ATP10D: variants seen among roughly 807,000 people sequenced by gnomAD.
ATP10D encodes the protein ATPase phospholipid transporting 10D (putative), also known as phospholipid-transporting ATPase VD.
Under a neutral mutation model 144.8 loss-of-function variants are expected in ATP10D, and 89 were observed. The ratio of observed to expected loss-of-function variants is 0.61; its 90% confidence interval spans 0.52 to 0.73. The LOEUF is 0.73. Ranked by LOEUF, ATP10D falls within the 30% of genes least tolerant of loss-of-function variation. The pLI, the probability that ATP10D is intolerant of heterozygous loss-of-function variation, is 0.00. For synonymous variants in ATP10D, 571 were observed against 615.1 expected (o/e 0.93, Z 1.06); for missense variants, 1,603 against 1,714.8 (o/e 0.93, Z 1.15).
intron 22 of ATP10D, among the ~76,000 whole-genome samples, chr4:47,589,035 C>T (rs1167750664): frequency 2.6e-5 from 4 of 151,994 alleles, no homozygotes; most frequent in Non-Finnish European, 5.9e-5. Context: ...TAAATGTAAC[C>T]ACAAGTGTCC....
chr4:47,526,448 G>A (rs1224631994), intron 5 of ATP10D, among the ~76,000 whole-genome samples: 1 of 152,156 alleles, frequency 6.6e-6, no homozygotes, highest in Admixed American at 6.5e-5. Context: ...AAAACCTAGA[G>A]CCAGCAGCAT....
chr4:47,570,075 A>T (rs1719870585), intron 16 of ATP10D, among the ~76,000 whole-genome samples: 1 of 152,218 alleles, frequency 6.6e-6, no homozygotes, highest in South Asian at 2.1e-4. Context: ...CCTTAAATTT[A>T]AAATGATCAT....
intron 3 of ATP10D, among the ~76,000 whole-genome samples, chr4:47,519,989 C>A (rs923013675): frequency 1.6e-4 from 25 of 152,126 alleles, no homozygotes; most frequent in Admixed American, 5.2e-4. Flanking sequence ...TTGTTTAAAT[C>A]TTGGTACATG....
intron 3 of ATP10D, among the ~76,000 whole-genome samples, chr4:47,520,725 T>A (rs1332670071): frequency 6.6e-6 from 1 of 152,006 alleles, no homozygotes; most frequent in African/African-American, 2.4e-5. Context: ...TGCACCATCA[T>A]ACCCGGCTAA....
At chr4:47,564,732 A>G (rs569612488) in intron 15 of ATP10D, among the ~76,000 whole-genome samples, 1 of 152,264 alleles carries the variant, frequency 6.6e-6, no homozygotes, top group Admixed American at 6.5e-5. Flanking sequence ...TAAGGGTTTT[A>G]TTTTTCTCAG....
At chr4:47,518,698 C>G (rs747883167) in intron 3 of ATP10D, among the ~76,000 whole-genome samples, 1 of 151,644 alleles carries the variant, frequency 6.6e-6, no homozygotes, top group Non-Finnish European at 1.5e-5. Flanking sequence ...ACTTCAGTAG[C>G]CATCTAAGAT....
In ATP10D at chr4:47,535,538, T is replaced by G. The variant is rs561198097; in HGVS notation, c.806T>G (p.Leu269Arg). The part of the protein sequence containing the change: ...LEHSNKERVG[L>R]SKENLLLRGC... ...CATTCCAACAAAGAACGCGTGGGTC[T>G]CAGTAAAGAAAATTTGTTGCTTAGA... The change falls in exon 6 of 23, where the codon CTC becomes CGC. Residue 269 changes from leucine (L) to arginine (R), a missense_variant. Leu to Arg is a moderately radical substitution (Grantham distance 102). Transcript: ENST00000273859. The G allele has an allele frequency of 6.2e-7, 1 of 1,613,000 alleles. No homozygotes were observed. The highest frequency in any genetic ancestry group is 2.2e-5 in the East Asian group (1 of 44,840).
chr4:47,564,112 G>C (rs1238715744), intron 15 of ATP10D, among the ~76,000 whole-genome samples: 3 of 152,144 alleles, frequency 2.0e-5, no homozygotes, highest in African/African-American at 7.2e-5. Flanking sequence ...GGCTGATCTT[G>C]AACTCTTGAC....
At chr4:47,563,536 G>T (rs761911819) in intron 14 of ATP10D, 45 bp from the exon 15 acceptor site, 3 of 1,532,396 alleles carry the variant, frequency 2.0e-6, no homozygotes, top group Non-Finnish European at 1.8e-6. Flanking sequence ...GCTTCAGCTG[G>T]CTTTGGTTTC....
chr4:47,492,889 A>G (rs748364332), intron 1 of ATP10D, among the ~76,000 whole-genome samples: 34 of 152,312 alleles, frequency 2.2e-4, no homozygotes, highest in Non-Finnish European at 4.3e-4. Context: ...TCAGAATTTT[A>G]GTCTCTAATG....
intron 19 of ATP10D, among the ~76,000 whole-genome samples, chr4:47,579,226 CT>C (rs1173178325): frequency 6.6e-6 from 1 of 151,886 alleles, no homozygotes; most frequent in African/African-American, 2.4e-5. Flanking sequence ...CTTTTTTTCT[CT>C]AAGATTTGTG....
intron 5 of ATP10D, among the ~76,000 whole-genome samples, chr4:47,530,619 G>A (rs1250809667): frequency 2.6e-5 from 4 of 151,778 alleles, no homozygotes; most frequent in Admixed American, 6.6e-5. Flanking sequence ...CCATGCCTGG[G>A]TAATTTTTGT....
At chr4:47,542,718 A>T (rs188090137) in intron 9 of ATP10D, among the ~76,000 whole-genome samples, 1 of 152,172 alleles carries the variant, frequency 6.6e-6, no homozygotes, top group Admixed American at 6.5e-5. Flanking sequence ...ACCTCAGGTG[A>T]TCCACCCACC....
chr4:47,504,510 G>A (rs1438800822), intron 1 of ATP10D, among the ~76,000 whole-genome samples: 1 of 152,084 alleles, frequency 6.6e-6, no homozygotes, highest in Admixed American at 6.5e-5. Context: ...GTTTTATCAG[G>A]GCTCACTGTG....
chr4:47,488,623 A>C (rs1356310871), intron 1 of ATP10D, among the ~76,000 whole-genome samples: 1 of 145,912 alleles, frequency 6.9e-6, no homozygotes, highest in Non-Finnish European at 1.5e-5. Flanking sequence ...AAAAAAAAAA[A>C]AAAAAAAAAA....
intron 5 of ATP10D, among the ~76,000 whole-genome samples, chr4:47,532,566 G>A (rs1717621553): frequency 6.6e-6 from 1 of 152,184 alleles, no homozygotes; most frequent in Admixed American, 6.5e-5. Context: ...ATCAGCCTAG[G>A]TAGATACAGT....
intron 11 of ATP10D, among the ~76,000 whole-genome samples, chr4:47,555,290 A>G (rs1234029379): frequency 6.6e-6 from 1 of 152,230 alleles, no homozygotes; most frequent in Non-Finnish European, 1.5e-5. Flanking sequence ...TGCCCTCCGT[A>G]TGAGAATCTA....
At chr4:47,547,165 A>C in intron 10 of ATP10D, 1 of 373,630 alleles carries the variant, frequency 2.7e-6, no homozygotes, top group South Asian at 3.1e-5. Flanking sequence ...TGGTTTAAGA[A>C]TCATGGCTCA....
At chr4:47,589,496 G>C (rs1475901100) in intron 22 of ATP10D, among the ~76,000 whole-genome samples, 2 of 152,122 alleles carry the variant, frequency 1.3e-5, no homozygotes, top group Non-Finnish European at 2.9e-5. Context: ...GCTCTTGGTA[G>C]AAATATGGAC....
Sources: gnomAD v4.1 joint callset for allele counts (sites outside exome capture counted in the v4.1 genomes callset) on GRCh38, gnomAD v4.1.1 for gene constraint, MANE v1.5 for transcripts, NCBI Gene and HGNC (gene_info 2026-07-23, HGNC 2026-07-21) for gene names.